Variants in THSD7A observed in about 807,000 individuals in gnomAD.
THSD7A encodes the protein thrombospondin type-1 domain-containing protein 7A.
In THSD7A, 96 loss-of-function variants were observed where a neutral mutation model predicts 231.3. The observed-to-expected ratio is 0.41, with a 90% CI of 0.35 to 0.49. The LOEUF (loss-of-function observed/expected upper bound fraction) is 0.49. Among genes scored for constraint, THSD7A ranks in the 20% least tolerant of loss-of-function variants. The probability of loss-of-function intolerance (pLI) is 0.05; values close to 1 mark genes in which losing one functional copy is unlikely to be tolerated. For missense variants in THSD7A, 2,290 were observed against 2,070.2 expected (o/e 1.11, Z -2.06); for synonymous variants, 940 against 743.3 (o/e 1.26, Z -4.30).
chr7:11,781,294 T>G (rs1433614472), intron 1 of THSD7A, among the ~76,000 whole-genome samples: 1 of 151,180 alleles, frequency 6.6e-6, no homozygotes, highest in East Asian at 2.0e-4. Context: ...CATTTTTTTT[T>G]TTTTTCAAAA....
intron 6 of THSD7A, among the ~76,000 whole-genome samples, chr7:11,519,710 C>T (rs965967417): frequency 1.3e-5 from 2 of 152,100 alleles, no homozygotes; most frequent in Admixed American, 1.3e-4. Context: ...TTCAAACATT[C>T]GATTATCCTG....
intron 6 of THSD7A, among the ~76,000 whole-genome samples, chr7:11,540,098 T>TC (rs111239541): frequency 0.023 from 3,429 of 152,296 alleles, 149 homozygotes; most frequent in African/African-American, 0.078. Flanking sequence ...TCCTCCTTTT[T>TC]TTCCTCTCTT....
At chr7:11,568,506 TC>T (rs1790464288) in intron 4 of THSD7A, among the ~76,000 whole-genome samples, 1 of 151,402 alleles carries the variant, frequency 6.6e-6, no homozygotes, top group African/African-American at 2.4e-5. Flanking sequence ...GTGCCTGTAG[TC>T]CCAGCTATTT....
At chr7:11,447,546 G>C (rs1583759577) in intron 11 of THSD7A, 122 bp from the exon 12 acceptor site, 1 of 771,900 alleles carries the variant, frequency 1.3e-6, no homozygotes, top group African/African-American at 1.8e-5. Flanking sequence ...CTTACTTACA[G>C]TAGAAATCTT....
At chr7:11,503,865 C>T (rs532042110) in intron 6 of THSD7A, among the ~76,000 whole-genome samples, 2 of 152,030 alleles carry the variant, frequency 1.3e-5, no homozygotes, top group Non-Finnish European at 1.5e-5. Flanking sequence ...TTGGTAGAAG[C>T]GTAAATTAGT....
intron 11 of THSD7A, among the ~76,000 whole-genome samples, chr7:11,450,845 T>G (rs1583765699): frequency 6.6e-6 from 1 of 152,112 alleles, no homozygotes; most frequent in East Asian, 1.9e-4. Context: ...GAAAAAGTCA[T>G]GTTACCCTAC....
chr7:11,667,974 G>A (rs1450459815), intron 1 of THSD7A, among the ~76,000 whole-genome samples: 1 of 152,154 alleles, frequency 6.6e-6, no homozygotes, highest in Non-Finnish European at 1.5e-5. Flanking sequence ...AGAGACCATT[G>A]AACTCAATGC....
chr7:11,419,991 C>T (rs1046370897), intron 16 of THSD7A, among the ~76,000 whole-genome samples: 15 of 152,150 alleles, frequency 9.9e-5, no homozygotes, highest in African/African-American at 3.6e-4. Context: ...TGTGGCCTGC[C>T]TGCTTCTAAA....
intron 6 of THSD7A, among the ~76,000 whole-genome samples, chr7:11,501,638 G>A (rs944505356): frequency 1.3e-5 from 2 of 152,188 alleles, no homozygotes; most frequent in African/African-American, 4.8e-5. Flanking sequence ...GCAGTGTTAA[G>A]AGGAAAATTC....
chr7:11,565,640 A>G (rs1000888576), intron 4 of THSD7A, among the ~76,000 whole-genome samples: 1 of 152,210 alleles, frequency 6.6e-6, no homozygotes, highest in African/African-American at 2.4e-5. Context: ...AGAATCAAGT[A>G]TGGCTCCAAA....
chr7:11,525,234 C>A, intron 6 of THSD7A, among the ~76,000 whole-genome samples: 1 of 151,618 alleles, frequency 6.6e-6, no homozygotes, highest in East Asian at 1.9e-4. Flanking sequence ...TAGATCATGC[C>A]TGAGTACAGT....
rs1014943610 is a variant in THSD7A, at chr7:11,372,214, A to G, written c.*3580T>C. ...GTACATTACGTAGGGGAAAATACTA[A>G]CCCCATCTAAAAACAAACCTAGAGT... is the stretch of plus-strand genomic sequence containing the variant. On this transcript the variant is annotated 3_prime_UTR_variant, in exon 28 of 28. Transcript: ENST00000423059. The G allele has an allele frequency of 3.3e-5, 5 of 151,936 alleles. No homozygotes were observed. Among genetic ancestry groups the G allele is most frequent in the Non-Finnish European group, 7.4e-5 (5 of 67,982 alleles). 9.4% of individuals were successfully genotyped at this position (151,936 alleles called of 1,614,324 possible).
At chr7:11,788,729 C>T (rs555536210) in intron 1 of THSD7A, among the ~76,000 whole-genome samples, 165 of 152,044 alleles carry the variant, frequency 1.1e-3, no homozygotes, top group African/African-American at 3.9e-3. Context: ...TTTTACTACT[C>T]ACTTGGGTTT....
chr7:11,521,066 A>C (rs1379108673), intron 6 of THSD7A, among the ~76,000 whole-genome samples: 1 of 152,220 alleles, frequency 6.6e-6, no homozygotes, highest in African/African-American at 2.4e-5. Flanking sequence ...CTTTTATTGA[A>C]GAATTTTAAA....
At chr7:11,784,519 A>C (rs183021316) in intron 1 of THSD7A, among the ~76,000 whole-genome samples, 17 of 151,916 alleles carry the variant, frequency 1.1e-4, no homozygotes, top group Non-Finnish European at 1.5e-5. Flanking sequence ...CTTCCAGTTA[A>C]CTAATTCTCC....
chr7:11,537,393 A>G (rs759350563), intron 6 of THSD7A, among the ~76,000 whole-genome samples: 3 of 152,192 alleles, frequency 2.0e-5, no homozygotes, highest in Non-Finnish European at 2.9e-5. Flanking sequence ...ATTGGATCAC[A>G]GGGGTAGATT....
intron 1 of THSD7A, among the ~76,000 whole-genome samples, chr7:11,778,490 A>C (rs1291613064): frequency 6.6e-6 from 1 of 152,184 alleles, no homozygotes; most frequent in African/African-American, 2.4e-5. Context: ...CTATGTATTT[A>C]GTCTCTAGTT....
chr7:11,520,783 C>A (rs1788230667), intron 6 of THSD7A, among the ~76,000 whole-genome samples: 2 of 152,130 alleles, frequency 1.3e-5, no homozygotes, highest in Non-Finnish European at 1.5e-5. Flanking sequence ...TGAAGACAAG[C>A]ATATTGATTG....
intron 1 of THSD7A, among the ~76,000 whole-genome samples, chr7:11,646,842 T>C (rs1023014205): frequency 6.6e-6 from 1 of 152,136 alleles, no homozygotes; most frequent in African/African-American, 2.4e-5. Flanking sequence ...AAGGTTTATA[T>C]GCAATAGTTT....
Sources: allele counts gnomAD v4.1 joint callset (sites outside exome capture counted in the v4.1 genomes callset), GRCh38; gene constraint gnomAD v4.1.1; transcripts MANE v1.5; gene names NCBI Gene and HGNC (gene_info 2026-07-23, HGNC 2026-07-21).